Variants in CCDC171 observed in about 807,000 individuals in gnomAD.
The protein encoded by CCDC171 is coiled-coil domain-containing protein 171.
A neutral mutation model predicts 168.2 loss-of-function variants in CCDC171; 177 were observed. The observed-to-expected ratio is 1.05, with a 90% CI of 0.93 to 1.19. The LOEUF (loss-of-function observed/expected upper bound fraction) is 1.19. Ranked by LOEUF, CCDC171 falls within the 50% of genes most tolerant of loss-of-function variation. CCDC171 has a pLI of 0.00. For synonymous variants in CCDC171, 687 were observed against 540.8 expected (o/e 1.27, Z -3.75); for missense variants, 1,991 against 1,539.0 (o/e 1.29, Z -4.91).
At chr9:15,600,794 C>G (rs1016963964) in intron 6 of CCDC171, among the ~76,000 whole-genome samples, 1 of 152,208 alleles carries the variant, frequency 6.6e-6, no homozygotes, top group South Asian at 2.1e-4. Flanking sequence ...CCATTTCGAG[C>G]TTCCCGGCCA....
At position 15,833,020 on chromosome 9, in the gene CCDC171, C is replaced by T. The variant is rs186965775; in HGVS notation, c.3268-13682C>T. 1.9e-4 allele frequency among the ~76,000 whole-genome samples: 23 copies of T among 120,824 alleles called. 2 individuals carry two copies. The highest frequency in any genetic ancestry group is 6.5e-4 in the African/African-American group (20 of 30,772). 79.3% of individuals were successfully genotyped at this position (120,824 alleles called of 152,430 possible). A position where few individuals can be genotyped will look rare whatever the true frequency, so the allele number is the denominator to read the frequency against. ...TTTTTTTTTTTGAGATGGAGTCCTG[C>T]TCTGTTGCCCAGGCTGGAATGCAGT... is the stretch of plus-strand genomic sequence containing the variant. On this transcript the variant is annotated intron_variant, in intron 21 of 25. Transcript: ENST00000380701.
chr9:15,612,170 A>G (rs2043747296), intron 6 of CCDC171, among the ~76,000 whole-genome samples: 1 of 152,176 alleles, frequency 6.6e-6, no homozygotes, highest in Non-Finnish European at 1.5e-5. Context: ...AGTTTATGGT[A>G]TATCTTGTTA....
intron 21 of CCDC171, among the ~76,000 whole-genome samples, chr9:15,789,863 G>A (rs10962159): frequency 6.7e-6 from 1 of 150,334 alleles, no homozygotes; most frequent in African/African-American, 2.5e-5. Context: ...TTGGTTTTTT[G>A]TCCCTGCAAT....
intron 25 of CCDC171, among the ~76,000 whole-genome samples, chr9:15,957,712 T>A (rs1209366707): frequency 6.6e-6 from 1 of 152,176 alleles, no homozygotes; most frequent in African/African-American, 2.4e-5. Flanking sequence ...AATTGACAAT[T>A]AAAGCAGTAG....
chr9:15,653,490 T>A (rs1287793645), intron 7 of CCDC171, among the ~76,000 whole-genome samples: 3 of 152,088 alleles, frequency 2.0e-5, no homozygotes, highest in Non-Finnish European at 2.9e-5. Flanking sequence ...TACTACCCCC[T>A]TAACTTTAAT....
At chr9:15,564,572 G>T (rs2039573278) in intron 2 of CCDC171, among the ~76,000 whole-genome samples, 2 of 152,076 alleles carry the variant, frequency 1.3e-5, no homozygotes, top group African/African-American at 4.8e-5. Flanking sequence ...TCCTTACTTG[G>T]TATCTCTCAG....
intron 23 of CCDC171, among the ~76,000 whole-genome samples, chr9:15,861,520 T>G (rs550777357): frequency 6.6e-6 from 1 of 152,004 alleles, no homozygotes; most frequent in South Asian, 2.1e-4. Context: ...TTTACTTTTG[T>G]GTAACTTATA....
chr9:16,066,290 A>T (rs1280660120), downstream of CCDC171, among the ~76,000 whole-genome samples: 2 of 152,244 alleles, frequency 1.3e-5, no homozygotes. Flanking sequence ...TAGTCCAATA[A>T]ACAGAACTGG....
At chr9:15,590,771 CTCTTTCTTTCTTTCTTTCTTTCTT>C (rs71506031) in intron 4 of CCDC171, among the ~76,000 whole-genome samples, 23 of 122,612 alleles carry the variant, frequency 1.9e-4, no homozygotes, top group South Asian at 5.7e-4. Context: ...TTCTTTCTTT[CTCTTTCTTTCTTTCTTTCTTTCTT>C]TCTTTCTTTC....
chr9:15,600,001 G>A (rs2042705890), intron 6 of CCDC171, among the ~76,000 whole-genome samples: 2 of 151,832 alleles, frequency 1.3e-5, no homozygotes, highest in African/African-American at 4.8e-5. Context: ...AGCTCCGTCA[G>A]GTCCTTTAAG....
chr9:15,736,034 G>A (rs780034278), intron 16 of CCDC171, among the ~76,000 whole-genome samples: 1 of 152,042 alleles, frequency 6.6e-6, no homozygotes, highest in Non-Finnish European at 1.5e-5. Context: ...GGTCATTTAA[G>A]TATCATTTCT....
the CCDC171 span, among the ~76,000 whole-genome samples, chr9:16,082,437 A>G: frequency 1.6e-3 from 245 of 152,290 alleles, 1 homozygote; most frequent in African/African-American, 5.7e-3. Flanking sequence ...TTAATGCGTA[A>G]GGACTGGTAG....
At chr9:15,826,430 C>A in intron 21 of CCDC171, among the ~76,000 whole-genome samples, 1 of 152,176 alleles carries the variant, frequency 6.6e-6, no homozygotes, top group South Asian at 2.1e-4. Context: ...ACTCCCATAT[C>A]AAGATGTGGA....
chr9:15,854,961 C>T (rs76172790), intron 23 of CCDC171, among the ~76,000 whole-genome samples: 3,374 of 151,634 alleles, frequency 0.022, 150 homozygotes, highest in African/African-American at 0.078. Context: ...TGATTTCTAT[C>T]CTTTTTAAGT....
the CCDC171 span, among the ~76,000 whole-genome samples, chr9:16,086,279 T>C: frequency 2.0e-5 from 3 of 152,074 alleles, no homozygotes; most frequent in African/African-American, 7.3e-5. Flanking sequence ...AGTTTGTATT[T>C]CTATGGGATC....
intron 7 of CCDC171, among the ~76,000 whole-genome samples, chr9:15,636,247 C>G (rs1256863490): frequency 2.0e-5 from 3 of 151,974 alleles, no homozygotes; most frequent in Non-Finnish European, 2.9e-5. Context: ...CAAATATGAA[C>G]TTGGCAAGGA....
chr9:16,020,333 CA>C (rs944011485), intron 3 of CCDC171, among the ~76,000 whole-genome samples: 4 of 152,040 alleles, frequency 2.6e-5, no homozygotes, highest in Admixed American at 2.0e-4. Context: ...TTCCAAAATC[CA>C]AAAAAATAAA....
At position 15,777,698 on chromosome 9, in the gene CCDC171, C is replaced by A. The variant is rs770961160; in HGVS notation, c.2770C>A (p.Pro924Thr). Residue 924 changes from proline to threonine, a missense_variant, in exon 19 of 26, where the codon CCT (proline) becomes ACT (threonine). Coordinates refer to ENST00000380701, the MANE Select transcript of CCDC171 (RefSeq NM_173550.4). The part of the protein sequence containing the change: ...DKISLVMECI[P>T]LHSSRSITYV... ...AATTAGTCTGGTAATGGAATGTATA[C>A]CTCTGCACAGTAGCAGGAGTATTAC... 6.2e-7 allele frequency: 1 copy of A among 1,613,718 alleles called. No individual in the cohort carries two copies. The highest frequency in any genetic ancestry group is 1.6e-4 in the Middle Eastern group (1 of 6,062).
the CCDC171 span, among the ~76,000 whole-genome samples, chr9:16,089,682 C>G: frequency 2.0e-5 from 3 of 151,770 alleles, no homozygotes; most frequent in Admixed American, 2.0e-4. Flanking sequence ...TGCAATCTAT[C>G]CATCTGGCAA....
Sources: gnomAD v4.1 joint callset for allele counts (sites outside exome capture counted in the v4.1 genomes callset) on GRCh38, gnomAD v4.1.1 for gene constraint, MANE v1.5 for transcripts, NCBI Gene and HGNC (gene_info 2026-07-23, HGNC 2026-07-21) for gene names.